The following SFMBT2 variants were observed in gnomAD, a reference collection of about 807,000 sequenced individuals.
The protein encoded by SFMBT2 is scm-like with four MBT domains protein 2.
Under a neutral mutation model 110.1 loss-of-function variants are expected in SFMBT2, and 38 were observed. The ratio of observed to expected loss-of-function variants is 0.35; its 90% CI spans 0.27 to 0.45. The LOEUF (loss-of-function observed/expected upper bound fraction) is 0.45, where lower values mean the gene tolerates loss of function less well. SFMBT2 is among the 20% of genes least tolerant of loss of function. The pLI is 1.00. For missense variants in SFMBT2, 1,011 were observed against 1,094.9 expected (o/e 0.92, Z 1.08); for synonymous variants, 425 against 425.4 (o/e 1.00, Z 0.01).
At chr10:7,228,756 C>T (rs867613649) in intron 9 of SFMBT2, among the ~76,000 whole-genome samples, 2,693 of 98,778 alleles carry the variant, frequency 0.027, 22 homozygotes, top group South Asian at 0.059. Flanking sequence ...CTCTCTCTCT[C>T]TCTCTCTCTC....
At chr10:7,179,219 T>C (rs898594620) in intron 16 of SFMBT2, among the ~76,000 whole-genome samples, 1 of 152,004 alleles carries the variant, frequency 6.6e-6, no homozygotes, top group Non-Finnish European at 1.5e-5. Flanking sequence ...AACTAGAAAG[T>C]AATCTTCTGT....
chr10:7,238,695 C>A lies in SFMBT2; in HGVS notation c.1120+4863G>T, dbSNP rs144053999. Among the ~76,000 whole-genome samples, 446 of 152,258 alleles carry A rather than the reference C, an allele frequency of 2.9e-3. 4 individuals are homozygous for A. The highest frequency in any genetic ancestry group is 3.9e-3 in the Non-Finnish European group (266 of 68,030). On this transcript the variant is annotated intron_variant, in intron 9 of 20. Coordinates refer to ENST00000397167, the MANE Select transcript of SFMBT2 (RefSeq NM_001387889.1). ...TGCTAACGTAAGCCAATTACTTCAG[C>A]CTTTGCTCACACCTTTTACAGCAGA...
intron 4 of SFMBT2, among the ~76,000 whole-genome samples, chr10:7,310,844 G>A (rs897223210): frequency 2.0e-5 from 3 of 152,040 alleles, no homozygotes; most frequent in South Asian, 2.1e-4. Flanking sequence ...TCAGGAGTTC[G>A]AGACCAGCCT....
chr10:7,378,469 T>C (rs1845327252), intron 2 of SFMBT2, among the ~76,000 whole-genome samples: 1 of 44,150 alleles, frequency 2.3e-5, no homozygotes, highest in Non-Finnish European at 3.9e-5. Context: ...GGGTGATGGA[T>C]GGGTGTAAGT....
At chr10:7,332,015 C>CAAAAAAAA (rs1491320070) in intron 4 of SFMBT2, among the ~76,000 whole-genome samples, 1 of 35,594 alleles carries the variant, frequency 2.8e-5, no homozygotes, top group African/African-American at 1.3e-4. Flanking sequence ...GACTCTGTCT[C>CAAAAAAAA]AAAAAAAAAA....
At chr10:7,388,047 G>C (rs1845663236) in intron 1 of SFMBT2, among the ~76,000 whole-genome samples, 1 of 152,106 alleles carries the variant, frequency 6.6e-6, no homozygotes, top group African/African-American at 2.4e-5. Flanking sequence ...CCTCAAGGGA[G>C]AGGGTGGGAG....
chr10:7,247,479 G>GA (rs1255880157), intron 8 of SFMBT2, among the ~76,000 whole-genome samples: 1 of 152,034 alleles, frequency 6.6e-6, no homozygotes, highest in Non-Finnish European at 1.5e-5. Flanking sequence ...GTTCACTAAA[G>GA]AAAAAACATT....
intron 4 of SFMBT2, among the ~76,000 whole-genome samples, chr10:7,353,771 C>A (rs1311751407): frequency 6.6e-6 from 1 of 152,072 alleles, no homozygotes; most frequent in Non-Finnish European, 1.5e-5. Flanking sequence ...TGATCTGATA[C>A]CTTCCATCCT....
At chr10:7,287,025 T>A (rs906469352) in intron 4 of SFMBT2, among the ~76,000 whole-genome samples, 5 of 147,586 alleles carry the variant, frequency 3.4e-5, no homozygotes, top group African/African-American at 1.2e-4. Context: ...GTGATAGGAC[T>A]CAAAATAGGG....
chr10:7,293,653 A>C lies in SFMBT2; in HGVS notation c.437-7699T>G, dbSNP rs12781826. On this transcript the variant is annotated intron_variant, in intron 4 of 20. Transcript: ENST00000397167. This position sits in a 1 kb window ranked among gnomAD's most constrained non-coding sequence, Gnocchi z 4.6. ...GCTAGACTGCATAATAAAGAGACCC[A>C]AAAACACAGCCACAGAGGTGCAAGC... Among the ~76,000 whole-genome samples, 3,018 of 152,296 alleles carry C rather than the reference A, an allele frequency of 0.02. 41 individuals are homozygous for C. The highest frequency in any genetic ancestry group is 0.032 in the Non-Finnish European group (2,161 of 68,014).
chr10:7,401,507 A>G (rs1452117459), intron 1 of SFMBT2, among the ~76,000 whole-genome samples: 1 of 152,248 alleles, frequency 6.6e-6, no homozygotes, highest in Non-Finnish European at 1.5e-5. Flanking sequence ...ACAGGCAGAT[A>G]AAGTTTAACT....
At position 7,285,867 on chromosome 10, in the gene SFMBT2, C is replaced by A; in HGVS notation, c.524G>T (p.Gly175Val). The A allele has an allele frequency of 1.1e-6, 1 of 872,650 alleles. No individual in the cohort carries two copies. The highest frequency in any genetic ancestry group is 2.0e-6 in the Non-Finnish European group (1 of 501,576). The allele number at this position is 872,650 out of a possible 1,614,324, so 54.1% of individuals were successfully genotyped here. Residue 175 changes from glycine (G) to valine (V), a missense_variant and splice_region_variant, in exon 5 of 21, where the codon GGT becomes GTT. By Grantham distance (109) the Gly-to-Val change is moderately radical. Transcript: ENST00000397167. ...SRTAPANLLE[G>V]PLRGKGPIDL... is the part of the protein sequence containing the mutation. ...TAGATGTATAACAACAATACATACACCTTCCAGGAGGTTGGCGGGTGCTGT... is the reference window on the plus strand; with the variant it reads ...TAGATGTATAACAACAATACATACAACTTCCAGGAGGTTGGCGGGTGCTGT...
intron 4 of SFMBT2, among the ~76,000 whole-genome samples, chr10:7,307,129 T>A (rs1386202308): frequency 1.3e-5 from 2 of 152,108 alleles, no homozygotes; most frequent in Non-Finnish European, 2.9e-5. Context: ...TATATAAGAA[T>A]AAATCTTCTA....
chr10:7,316,877 C>G (rs1843029452), intron 4 of SFMBT2, among the ~76,000 whole-genome samples: 1 of 121,434 alleles, frequency 8.2e-6, no homozygotes, highest in Non-Finnish European at 1.7e-5. Context: ...TCCCTCCCCA[C>G]ACATAAACAC....
At position 7,248,719 on chromosome 10, in the gene SFMBT2, G is replaced by A. The variant is rs138902709; in HGVS notation, c.871-70C>T. On this transcript the variant is annotated intron_variant, in intron 7 of 20. Coordinates refer to ENST00000397167, the MANE Select transcript of SFMBT2 (RefSeq NM_001387889.1). ...ATGACCTCAGCCACTGTCCGGATGCGCTCCTGGAGCATTTTATTGGGCAAC... is the reference window on the plus strand; with the variant it reads ...ATGACCTCAGCCACTGTCCGGATGCACTCCTGGAGCATTTTATTGGGCAAC... The A allele has an allele frequency of 8.4e-4, 1,150 of 1,373,584 alleles. 12 individuals are homozygous for A. The African/African-American group carries it at 0.012, about 15-fold the overall frequency. 85.1% of individuals were successfully genotyped at this position (1,373,584 alleles called of 1,614,324 possible).
chr10:7,382,964 C>T (rs1035114714), intron 1 of SFMBT2, among the ~76,000 whole-genome samples: 4 of 152,214 alleles, frequency 2.6e-5, no homozygotes, highest in African/African-American at 7.2e-5. Context: ...GCAGCCATAC[C>T]TGGCTCCGAT....
At chr10:7,199,337 A>G (rs1391314687) in intron 14 of SFMBT2, among the ~76,000 whole-genome samples, 2 of 152,098 alleles carry the variant, frequency 1.3e-5, no homozygotes, top group Non-Finnish European at 2.9e-5. Context: ...TAAGGGAGTC[A>G]CCGCCCCCAC....
rs1845377198 is a variant in SFMBT2, at chr10:7,379,961, G to GACCA, written c.100+1837_100+1838insTGGT. 2.6e-5 allele frequency among the ~76,000 whole-genome samples: 4 copies of GACCA among 152,152 alleles called. No homozygotes were observed. In the South Asian group the frequency reaches 8.3e-4, roughly 32 times the overall value. The stretch of plus-strand genomic sequence containing the variant: ...TAAGTTAGAGAGATACACTGCAACC[G>GACCA]TGTGCACATGAAAAGCCAATACACA... On this transcript the variant is annotated intron_variant, in intron 2 of 20. Transcript: ENST00000397167.
At chr10:7,381,066 T>TACAC (rs1294676942) in intron 2 of SFMBT2, among the ~76,000 whole-genome samples, 12 of 141,664 alleles carry the variant, frequency 8.5e-5, no homozygotes, top group East Asian at 4.0e-4. Context: ...CACACACACA[T>TACAC]ACACACATAC....
Sources: allele counts gnomAD v4.1 joint callset (sites outside exome capture counted in the v4.1 genomes callset), GRCh38; gene constraint gnomAD v4.1.1; non-coding constraint Gnocchi (gnomAD v3.1); transcripts MANE v1.5; gene names NCBI Gene and HGNC (gene_info 2026-07-23, HGNC 2026-07-21).